ADGRG6: variants seen among roughly 807,000 people sequenced by gnomAD.
The protein encoded by ADGRG6 is adhesion G protein-coupled receptor G6.
A neutral mutation model predicts 142.4 loss-of-function variants in ADGRG6; 84 were observed. The observed-to-expected ratio is 0.59, with a 90% CI of 0.49 to 0.71. ADGRG6 has a LOEUF of 0.71. ADGRG6 is among the 30% of genes least tolerant of loss of function. ADGRG6 has a pLI of 0.00. For synonymous variants in ADGRG6, 521 were observed against 520.5 expected (o/e 1.00, Z -0.01); for missense variants, 1,367 against 1,466.6 (o/e 0.93, Z 1.11).
At chr6:142,340,305 A>G (rs150339432) in intron 2 of ADGRG6, among the ~76,000 whole-genome samples, 90 of 152,194 alleles carry the variant, frequency 5.9e-4, no homozygotes, top group African/African-American at 2.1e-3. Flanking sequence ...ACATTACCAA[A>G]TATTTATCAG....
chr6:142,411,176 G>A (rs748709384), intron 17 of ADGRG6, 129 bp from the exon 18 acceptor site: 6 of 582,938 alleles, frequency 1.0e-5, no homozygotes, highest in East Asian at 8.2e-5. Context: ...TTTCATAATG[G>A]TATCCATTTT....
intron 4 of ADGRG6, among the ~76,000 whole-genome samples, chr6:142,375,456 A>G (rs60150871): frequency 0.015 from 2,235 of 152,274 alleles, 48 homozygotes; most frequent in African/African-American, 0.051. Context: ...CTGCTTAATC[A>G]TCAGCTTTGG....
chr6:142,391,639 A>G (rs1774905998), intron 7 of ADGRG6, among the ~76,000 whole-genome samples: 1 of 151,878 alleles, frequency 6.6e-6, no homozygotes, highest in Non-Finnish European at 1.5e-5. Context: ...AAATAAAAGA[A>G]AAATACTACG....
At chr6:142,315,005 T>TGTGTGTGTGTG (rs1554229843) in intron 2 of ADGRG6, among the ~76,000 whole-genome samples, 8 of 150,770 alleles carry the variant, frequency 5.3e-5, no homozygotes, top group South Asian at 2.1e-4. Context: ...TGTGTGTGTG[T>TGTGTGTGTGTG]TATACAGTCT....
intron 2 of ADGRG6, among the ~76,000 whole-genome samples, chr6:142,343,419 A>G (rs1779753292): frequency 6.6e-6 from 1 of 151,786 alleles, no homozygotes; most frequent in Non-Finnish European, 1.5e-5. Flanking sequence ...AGGGATATCA[A>G]TATCTTTCAC....
intron 1 of ADGRG6, among the ~76,000 whole-genome samples, chr6:142,305,751 G>GT (rs1777465223): frequency 6.6e-6 from 1 of 152,038 alleles, no homozygotes; most frequent in Admixed American, 6.5e-5. Context: ...TTAAGGCTGA[G>GT]TTTTACTCTC....
intron 2 of ADGRG6, among the ~76,000 whole-genome samples, chr6:142,315,005 T>TGTGTGTG (rs1554229843): frequency 6.6e-6 from 1 of 150,654 alleles, no homozygotes; most frequent in Non-Finnish European, 1.5e-5. Context: ...TGTGTGTGTG[T>TGTGTGTG]TATACAGTCT....
Position 142,443,549 on chromosome 6 carries a change from T to C in ADGRG6, c.*34T>C. On this transcript the variant is annotated 3_prime_UTR_variant, in exon 25 of 25. Coordinates refer to ENST00000367609, the MANE Select transcript of ADGRG6 (RefSeq NM_198569.3). ...AGAAAAAGAAATCAATCTGCAGAAA[T>C]GTGAAGATTTGCAAGCAGTGTAAAC... The C allele has an allele frequency of 4.7e-6, 7 of 1,496,790 alleles. No homozygotes were observed. Among genetic ancestry groups the C allele is most frequent in the Non-Finnish European group, 6.5e-6 (7 of 1,085,190 alleles). The allele number at this position is 1,496,790 out of a possible 1,614,324, so 92.7% of individuals were successfully genotyped here. A position where few individuals can be genotyped will look rare whatever the true frequency, so the allele number is the denominator to read the frequency against.
intron 1 of ADGRG6, chr6:142,302,580 G>C (rs1777280754): frequency 1.9e-6 from 1 of 514,292 alleles, no homozygotes; most frequent in East Asian, 3.2e-5. Flanking sequence ...CCTCACATTT[G>C]GGCGGTGTAA....
chr6:142,309,520 A>G, intron 1 of ADGRG6, 24 bp from the exon 2 acceptor site: 1 of 1,534,340 alleles, frequency 6.5e-7, no homozygotes, highest in Non-Finnish European at 9.0e-7. Context: ...TGAATGTCCT[A>G]ATTGCCATCT....
At chr6:142,319,090 T>C (rs1778393026) in intron 2 of ADGRG6, among the ~76,000 whole-genome samples, 1 of 152,164 alleles carries the variant, frequency 6.6e-6, no homozygotes, top group Non-Finnish European at 1.5e-5. Flanking sequence ...TTTTATGATT[T>C]TTCTCTGTCA....
rs760669259 is a variant in ADGRG6, at chr6:142,390,270, A to G, written c.1235A>G (p.Tyr412Cys). The change falls in exon 7 of 25, where the codon TAT becomes TGT. Residue 412 changes from tyrosine to cysteine, a missense_variant. This residue lies in a region of ADGRG6 where 737 missense variants were observed against 746.5 expected (regional missense o/e 0.99). Transcript: ENST00000367609. ...IDKQRNDGII[Y>C]RISVVIQNIL... is the part of the protein sequence containing the mutation. The stretch of plus-strand genomic sequence containing the variant: ...TTCCAATGGGCAGATGGAATTATCT[A>G]TAGAATATCCGTAGTGATTCAGAAC... 9 of 1,577,502 alleles carry G rather than the reference A, an allele frequency of 5.7e-6. No homozygotes were observed. The highest frequency in any genetic ancestry group is 2.3e-5 in the East Asian group (1 of 44,330).
At chr6:142,391,389 C>T (rs1774887979) in intron 7 of ADGRG6, among the ~76,000 whole-genome samples, 1 of 148,038 alleles carries the variant, frequency 6.8e-6, no homozygotes, top group African/African-American at 2.5e-5. Flanking sequence ...ATAAACGTGT[C>T]TTTGGTAGCA....
Position 142,370,487 on chromosome 6 carries a change from C to T in ADGRG6, c.763C>T (p.Leu255Phe), listed in dbSNP as rs775838564. The change falls in exon 4 of 25, where the codon CTT becomes TTT. Residue 255 changes from leucine (L) to phenylalanine (F), a missense_variant. Leu to Phe is a conservative substitution (Grantham distance 22, BLOSUM62 0). Coordinates refer to ENST00000367609, the MANE Select transcript of ADGRG6 (RefSeq NM_198569.3). ...IFAESFEQLC[L>F]VWNNSLGSIG... ...TGCAGAAAGCTTTGAACAGCTCTGC[C>T]TTGTTTGGAATAATTCTTTGGGCTC... 3 of 1,613,042 alleles carry T rather than the reference C, an allele frequency of 1.9e-6. No homozygotes were observed. Among genetic ancestry groups the T allele is most frequent in the Non-Finnish European group, 2.5e-6 (3 of 1,179,088 alleles).
chr6:142,354,935 T>C (rs1367630527), intron 2 of ADGRG6, among the ~76,000 whole-genome samples: 2 of 152,328 alleles, frequency 1.3e-5, no homozygotes, highest in East Asian at 3.9e-4. Flanking sequence ...GATTATGTTA[T>C]AGGGAGAAGA....
intron 24 of ADGRG6, among the ~76,000 whole-genome samples, chr6:142,442,854 TAGAG>T (rs1392186580): frequency 6.6e-6 from 1 of 152,096 alleles, no homozygotes; most frequent in African/African-American, 2.4e-5. Flanking sequence ...ATATAAAAAA[TAGAG>T]AGGATACTAT....
chr6:142,416,232 CTTTA>C (rs151147968), intron 20 of ADGRG6, among the ~76,000 whole-genome samples, 168 bp downstream of exon 20: 6,185 of 152,142 alleles, frequency 0.041, 258 homozygotes, highest in Middle Eastern at 0.11. Flanking sequence ...ATCTTCACAA[CTTTA>C]TTTTTTAAAA....
intron 2 of ADGRG6, among the ~76,000 whole-genome samples, chr6:142,358,178 A>T (rs1371310441): frequency 1.3e-5 from 2 of 152,244 alleles, no homozygotes; most frequent in Non-Finnish European, 2.9e-5. Flanking sequence ...GTTAATGCCA[A>T]CATAAACCTG....
intron 4 of ADGRG6, 143 bp from the exon 5 acceptor site, chr6:142,381,808 T>C (rs1448801731): frequency 2.1e-6 from 1 of 475,452 alleles, no homozygotes; most frequent in African/African-American, 2.0e-5. Flanking sequence ...TAAGGCACAG[T>C]GGCCTTAAGA....
Sources: allele counts gnomAD v4.1 joint callset (sites outside exome capture counted in the v4.1 genomes callset), GRCh38; gene constraint gnomAD v4.1.1; regional missense constraint gnomAD v4.1.1; transcripts MANE v1.5; gene names NCBI Gene and HGNC (gene_info 2026-07-23, HGNC 2026-07-21).